Variants in CLSTN2 observed in about 807,000 individuals in gnomAD.
CLSTN2 encodes the protein calsyntenin-2.
In CLSTN2, 48 loss-of-function variants were observed where a neutral mutation model predicts 101.2. The observed-to-expected ratio is 0.47, with a 90% CI of 0.38 to 0.60. The LOEUF is 0.60. Among genes scored for constraint, CLSTN2 ranks in the 20% least tolerant of loss-of-function variants. CLSTN2 has a pLI of 0.00. For synonymous variants in CLSTN2, 481 were observed against 463.6 expected (o/e 1.04, Z -0.48); for missense variants, 1,160 against 1,238.2 (o/e 0.94, Z 0.95).
At chr3:139,972,700 G>A (rs956147155) in intron 1 of CLSTN2, among the ~76,000 whole-genome samples, 3 of 152,132 alleles carry the variant, frequency 2.0e-5, no homozygotes, top group East Asian at 1.9e-4. Flanking sequence ...ATGCTGTGAC[G>A]GCTCCCACAG....
At chr3:140,105,974 T>A (rs72984162) in intron 1 of CLSTN2, among the ~76,000 whole-genome samples, 5,155 of 152,268 alleles carry the variant, frequency 0.034, 256 homozygotes, top group African/African-American at 0.11. Context: ...GAGGCTGGCA[T>A]GGTGGGCCTG....
chr3:140,220,108 C>G (rs180882809), intron 2 of CLSTN2, among the ~76,000 whole-genome samples: 1 of 152,330 alleles, frequency 6.6e-6, no homozygotes, highest in Admixed American at 6.5e-5. Flanking sequence ...GCCTCTACTG[C>G]TTTTCCTGCA....
chr3:140,317,612 A>G (rs2087241929), intron 2 of CLSTN2, among the ~76,000 whole-genome samples: 1 of 152,204 alleles, frequency 6.6e-6, no homozygotes, highest in South Asian at 2.1e-4. Context: ...TTCTGTCTTT[A>G]CTTGTTCAGG....
chr3:140,359,339 G>A (rs1267812865), intron 2 of CLSTN2, among the ~76,000 whole-genome samples: 3 of 152,162 alleles, frequency 2.0e-5, no homozygotes, highest in African/African-American at 7.2e-5. Context: ...AACCATGTAT[G>A]TCACATAATG....
intron 1 of CLSTN2, among the ~76,000 whole-genome samples, chr3:140,135,117 C>CACACATATATATATAT (rs1488268767): frequency 5.2e-5 from 3 of 58,114 alleles, no homozygotes; most frequent in African/African-American, 8.6e-5. Flanking sequence ...CACACACACA[C>CACACATATATATATAT]ATATATATAT....
In CLSTN2 at chr3:140,563,159, C is replaced by G; in HGVS notation, c.2438C>G (p.Ser813Cys). 2 of 1,614,162 alleles carry G rather than the reference C, an allele frequency of 1.2e-6. No individual in the cohort carries two copies. Among genetic ancestry groups the G allele is most frequent in the East Asian group, 2.2e-5 (1 of 44,878 alleles). The part of the protein sequence containing the change: ...HLIVQPPFLQ[S>C]VHHPESRSSI... ...ATTGTGCAGCCTCCCTTCCTCCAGT[C>G]TGTCCATCATCCTGAGTCCCGGAGT... The change falls in exon 15 of 17, where the codon TCT becomes TGT. Residue 813 changes from serine to cysteine, a missense_variant. By Grantham distance (112) the Ser-to-Cys change is moderately radical (BLOSUM62 -1). Coordinates refer to ENST00000458420, the MANE Select transcript of CLSTN2 (RefSeq NM_022131.3).
At chr3:140,379,531 T>C (rs1009309151) in intron 2 of CLSTN2, among the ~76,000 whole-genome samples, 3 of 152,154 alleles carry the variant, frequency 2.0e-5, no homozygotes, top group South Asian at 2.1e-4. Flanking sequence ...TCCTAGGAGG[T>C]TGACATCAGA....
At chr3:140,529,937 A>G (rs1029477436) in intron 8 of CLSTN2, among the ~76,000 whole-genome samples, 3 of 152,302 alleles carry the variant, frequency 2.0e-5, no homozygotes, top group East Asian at 3.9e-4. Context: ...TCAGTGTGGC[A>G]AGGGTGCCAT....
intron 1 of CLSTN2, among the ~76,000 whole-genome samples, chr3:140,136,426 A>G (rs1469759496): frequency 6.6e-6 from 1 of 152,228 alleles, no homozygotes; most frequent in African/African-American, 2.4e-5. Flanking sequence ...ACGGATTAAG[A>G]TGAAAATTAG....
At chr3:140,286,173 G>T (rs1386395703) in intron 2 of CLSTN2, among the ~76,000 whole-genome samples, 2 of 152,146 alleles carry the variant, frequency 1.3e-5, no homozygotes, top group African/African-American at 2.4e-5. Context: ...CAACCTCTCT[G>T]TCCAGGTCCT....
chr3:140,373,536 C>T (rs1031168525), intron 2 of CLSTN2, among the ~76,000 whole-genome samples: 1 of 152,208 alleles, frequency 6.6e-6, no homozygotes, highest in Non-Finnish European at 1.5e-5. Context: ...AAGCCCAGAA[C>T]AAATCTTTCT....
chr3:139,952,449 G>C (rs772428443), intron 1 of CLSTN2, among the ~76,000 whole-genome samples: 1 of 45,192 alleles, frequency 2.2e-5, no homozygotes. Context: ...CTCCGAGACT[G>C]CTTTGGTTTT....
rs73228999 is a variant in CLSTN2 at position 140,446,229 on chromosome 3, A to G, written c.788-2290A>G. On this transcript the variant is annotated intron_variant, in intron 5 of 16. Transcript: ENST00000458420. ...TTAGAGCATGGGCTGCAGCAACTTC[A>G]TGATCTCATCCTCTGGGAGGGGATG... Among the ~76,000 whole-genome samples the G allele has an allele frequency of 9.8e-3, 1,486 of 152,278 alleles. 11 individuals carry two copies. Among genetic ancestry groups the G allele is most frequent in the Non-Finnish European group, 0.017 (1,143 of 68,018 alleles).
At chr3:140,209,425 T>G (rs2010827159) in intron 2 of CLSTN2, among the ~76,000 whole-genome samples, 1 of 152,178 alleles carries the variant, frequency 6.6e-6, no homozygotes, top group Admixed American at 6.5e-5. Context: ...TTTTAAAAAA[T>G]TTCCATTTCA....
intron 1 of CLSTN2, among the ~76,000 whole-genome samples, chr3:140,041,245 G>A (rs1219090107): frequency 2.0e-5 from 3 of 152,202 alleles, no homozygotes; most frequent in African/African-American, 7.2e-5. Context: ...GCCAAATAAA[G>A]GAAGGTCACT....
At chr3:140,393,030 G>A (rs991956717) in intron 2 of CLSTN2, among the ~76,000 whole-genome samples, 4 of 151,878 alleles carry the variant, frequency 2.6e-5, no homozygotes, top group African/African-American at 4.8e-5. Flanking sequence ...CCAGTCCCAC[G>A]CCCATGATAA....
intron 1 of CLSTN2, among the ~76,000 whole-genome samples, chr3:140,009,630 G>A (rs1359647599): frequency 6.6e-6 from 1 of 152,050 alleles, no homozygotes; most frequent in African/African-American, 2.4e-5. Flanking sequence ...CTTTTAAAGT[G>A]TTTTTCAGTT....
intron 1 of CLSTN2, among the ~76,000 whole-genome samples, chr3:140,167,267 A>G (rs1319338886): frequency 6.6e-6 from 1 of 152,166 alleles, no homozygotes; most frequent in Non-Finnish European, 1.5e-5. Flanking sequence ...ATTTCCCCCA[A>G]GATATATTAA....
intron 2 of CLSTN2, among the ~76,000 whole-genome samples, chr3:140,290,103 C>T (rs561601075): frequency 1.7e-4 from 26 of 151,854 alleles, no homozygotes; most frequent in African/African-American, 6.3e-4. Flanking sequence ...TGCTAATAGG[C>T]ATCAGAAAAG....
Sources: gnomAD v4.1 joint callset for allele counts (sites outside exome capture counted in the v4.1 genomes callset) on GRCh38, gnomAD v4.1.1 for gene constraint, MANE v1.5 for transcripts, NCBI Gene and HGNC (gene_info 2026-07-23, HGNC 2026-07-21) for gene names.